Variants in LSAMP observed in about 807,000 individuals in gnomAD.
The protein encoded by LSAMP is limbic system associated membrane protein.
A neutral mutation model predicts 38.6 loss-of-function variants in LSAMP; 7 were observed. The observed-to-expected ratio is 0.18, with a 90% CI of 0.10 to 0.34. LSAMP has a LOEUF of 0.34. LSAMP is among the 10% of genes least tolerant of loss of function. The pLI is 1.00. For missense variants in LSAMP, 313 were observed against 420.0 expected (o/e 0.75, Z 2.23); for synonymous variants, 154 against 166.8 (o/e 0.92, Z 0.59).
chr3:115,979,319 T>G (rs1049897090), intron 3 of LSAMP, among the ~76,000 whole-genome samples: 2 of 151,910 alleles, frequency 1.3e-5, no homozygotes, highest in Non-Finnish European at 2.9e-5. Flanking sequence ...AAAGGAAAGG[T>G]GAAAAGGCCC....
At chr3:115,930,619 T>C (rs7650115) in intron 3 of LSAMP, among the ~76,000 whole-genome samples, 60,410 of 152,072 alleles carry the variant, frequency 0.4, 13,337 homozygotes, top group South Asian at 0.62. Context: ...ACTTCTTAAC[T>C]TCTGGATCAT....
chr3:116,204,120 G>GTGGTTTTGA (rs2046030472), intron 1 of LSAMP, among the ~76,000 whole-genome samples: 1 of 152,086 alleles, frequency 6.6e-6, no homozygotes, highest in Non-Finnish European at 1.5e-5. Flanking sequence ...GTATCTCATA[G>GTGGTTTTGA]TGGTTTTGAT....
At chr3:115,851,905 C>T (rs1286697506) in intron 4 of LSAMP, among the ~76,000 whole-genome samples, 1 of 152,162 alleles carries the variant, frequency 6.6e-6, no homozygotes, top group East Asian at 1.9e-4. Context: ...GCCCACTTAC[C>T]TATGCATCTT....
At chr3:116,250,320 C>T (rs2046663492) in intron 1 of LSAMP, among the ~76,000 whole-genome samples, 1 of 152,092 alleles carries the variant, frequency 6.6e-6, no homozygotes, top group African/African-American at 2.4e-5. Flanking sequence ...TACCAGGAGC[C>T]TGGGGACTTT....
At chr3:116,094,402 C>A (rs1708182137) in intron 1 of LSAMP, among the ~76,000 whole-genome samples, 1 of 152,210 alleles carries the variant, frequency 6.6e-6, no homozygotes, top group African/African-American at 2.4e-5. Context: ...CTGTTCTCCT[C>A]ATCTTCATTC....
At chr3:116,427,910 T>A (rs1188725718) in intron 1 of LSAMP, among the ~76,000 whole-genome samples, 1 of 152,210 alleles carries the variant, frequency 6.6e-6, no homozygotes, top group Non-Finnish European at 1.5e-5. Flanking sequence ...ATTCTCTTAA[T>A]CAGGTCCTCA....
intron 1 of LSAMP, chr3:116,369,749 C>G (rs868426334): frequency 2.6e-4 from 40 of 152,468 alleles, no homozygotes; most frequent in African/African-American, 9.2e-4. Context: ...ATACATGGAG[C>G]TAAGTTCTTT....
chr3:116,308,419 G>C (rs1185166983), intron 1 of LSAMP, among the ~76,000 whole-genome samples: 1 of 152,018 alleles, frequency 6.6e-6, no homozygotes, highest in Non-Finnish European at 1.5e-5. Context: ...AAGTGTGACA[G>C]ACAATAATTG....
chr3:115,983,293 A>G (rs1018973417), intron 3 of LSAMP, among the ~76,000 whole-genome samples: 4 of 152,092 alleles, frequency 2.6e-5, no homozygotes, highest in African/African-American at 9.7e-5. Flanking sequence ...AGCAGGGAGG[A>G]TTGCTCAACA....
intron 1 of LSAMP, among the ~76,000 whole-genome samples, chr3:116,203,915 C>T (rs1398470112): frequency 6.6e-6 from 1 of 152,116 alleles, no homozygotes; most frequent in Non-Finnish European, 1.5e-5. Flanking sequence ...GGTATATACC[C>T]AGTAATGGGA....
intron 1 of LSAMP, among the ~76,000 whole-genome samples, chr3:116,346,165 C>T (rs1318868236): frequency 6.6e-6 from 1 of 152,110 alleles, no homozygotes. Flanking sequence ...TTTTTCATTG[C>T]AAATAACCAT....
At chr3:116,359,897 C>G (rs901389096) in intron 1 of LSAMP, 1 of 152,124 alleles carries the variant, frequency 6.6e-6, no homozygotes, top group Non-Finnish European at 1.5e-5. Context: ...CTAGGCAATA[C>G]CAGTCAAGAC....
intron 3 of LSAMP, among the ~76,000 whole-genome samples, chr3:115,939,585 T>TTTC (rs58450242): frequency 4.0e-5 from 6 of 150,186 alleles, no homozygotes; most frequent in African/African-American, 1.2e-4. Flanking sequence ...TCTTTCTTTC[T>TTTC]GTTAAGAGAC....
intron 2 of LSAMP, among the ~76,000 whole-genome samples, chr3:116,048,195 C>G (rs1224731921): frequency 6.6e-6 from 1 of 152,160 alleles, no homozygotes; most frequent in Non-Finnish European, 1.5e-5. Flanking sequence ...AGAAGAGTAT[C>G]AATGACAGGG....
rs1185132853 is a variant in LSAMP, at chr3:116,238,842, A to T, written c.156-152286T>A. Reference sequence around the variant, plus strand: ...TGCTCAATATAAAAATGAAATAATGACATGGTTATCTTTTTTTTTTAAGTT... The same window carrying T: ...TGCTCAATATAAAAATGAAATAATGTCATGGTTATCTTTTTTTTTTAAGTT... On this transcript the variant is annotated intron_variant, in intron 1 of 6. Transcript: ENST00000490035. Among the ~76,000 whole-genome samples, 2 of 113,860 alleles carry T rather than the reference A, an allele frequency of 1.8e-5. 1 individual carries two copies. Among genetic ancestry groups the T allele is most frequent in the African/African-American group, 5.6e-5 (2 of 35,600 alleles). 74.7% of individuals were successfully genotyped at this position (113,860 alleles called of 152,430 possible).
At chr3:116,032,521 C>A (rs923088448) in intron 2 of LSAMP, among the ~76,000 whole-genome samples, 1 of 152,078 alleles carries the variant, frequency 6.6e-6, no homozygotes, top group Non-Finnish European at 1.5e-5. Context: ...AAATTATATA[C>A]CACTGACCAG....
intron 1 of LSAMP, among the ~76,000 whole-genome samples, chr3:116,104,760 T>A (rs1016246824): frequency 1.3e-4 from 20 of 152,334 alleles, no homozygotes; most frequent in African/African-American, 4.6e-4. Context: ...TTCATAATAC[T>A]AAGTCTGCTC....
At chr3:116,229,943 T>G (rs982376026) in intron 1 of LSAMP, among the ~76,000 whole-genome samples, 11 of 152,262 alleles carry the variant, frequency 7.2e-5, no homozygotes, top group African/African-American at 2.6e-4. Context: ...GGGTGGAAGA[T>G]TATACATTTG....
chr3:116,376,420 C>T (rs1191619289), intron 1 of LSAMP, among the ~76,000 whole-genome samples: 1 of 152,000 alleles, frequency 6.6e-6, no homozygotes. Flanking sequence ...CAAAAGCAGA[C>T]AAAAACCAAC....
Sources: gnomAD v4.1 joint callset for allele counts (sites outside exome capture counted in the v4.1 genomes callset) on GRCh38, gnomAD v4.1.1 for gene constraint, MANE v1.5 for transcripts, NCBI Gene and HGNC (gene_info 2026-07-23, HGNC 2026-07-21) for gene names.